Variants in PPARGC1A observed in about 807,000 individuals in gnomAD.
The protein encoded by PPARGC1A is PPARG coactivator 1 alpha, also known as peroxisome proliferator-activated receptor gamma coactivator 1-alpha.
PPARGC1A carries 25 observed loss-of-function variants against 88.7 expected under a neutral mutation model. The ratio of observed to expected loss-of-function variants is 0.28; its 90% CI spans 0.21 to 0.39. The LOEUF is 0.39. Among genes scored for constraint, PPARGC1A ranks in the 10% least tolerant of loss-of-function variants. The probability of loss-of-function intolerance (pLI) is 1.00; values close to 1 mark genes in which losing one functional copy is unlikely to be tolerated. For synonymous variants in PPARGC1A, 363 were observed against 355.6 expected (o/e 1.02, Z -0.24); for missense variants, 880 against 968.7 (o/e 0.91, Z 1.22).
chr4:23,847,844 T>G (rs60919668), intron 2 of PPARGC1A, among the ~76,000 whole-genome samples: 1 of 152,068 alleles, frequency 6.6e-6, no homozygotes, highest in Non-Finnish European at 1.5e-5. Flanking sequence ...TGACTTTAAG[T>G]CAATTTGTCT....
At chr4:24,039,608 G>A in the PPARGC1A span, among the ~76,000 whole-genome samples, 1 of 152,122 alleles carries the variant, frequency 6.6e-6, no homozygotes, top group African/African-American at 2.4e-5. Context: ...CATCTAGGAT[G>A]ATGGTCAAAT....
chr4:23,898,788 C>G (rs1164387755), intron 1 of PPARGC1A, among the ~76,000 whole-genome samples: 2 of 151,688 alleles, frequency 1.3e-5, no homozygotes, highest in Non-Finnish European at 2.9e-5. Context: ...CTTTCTCTAC[C>G]TCTTTTCAAA....
At chr4:23,829,264 A>T (rs560426099) in intron 4 of PPARGC1A, among the ~76,000 whole-genome samples, 199 bp downstream of exon 4, 1 of 152,302 alleles carries the variant, frequency 6.6e-6, no homozygotes, top group African/African-American at 2.4e-5. Context: ...AAACACCCAA[A>T]GACGATGCGT....
the PPARGC1A span, among the ~76,000 whole-genome samples, chr4:24,179,826 G>T: frequency 1.3e-5 from 2 of 152,120 alleles, no homozygotes; most frequent in South Asian, 4.1e-4. Flanking sequence ...TTTTTTATTT[G>T]TTACAGAAAA....
chr4:24,469,802 C>G, the PPARGC1A span, among the ~76,000 whole-genome samples: 1 of 152,120 alleles, frequency 6.6e-6, no homozygotes, highest in Non-Finnish European at 1.5e-5. Flanking sequence ...AAAACGCCCC[C>G]CTCCGCAAAT....
chr4:24,088,360 T>TA, the PPARGC1A span, among the ~76,000 whole-genome samples: 9 of 144,478 alleles, frequency 6.2e-5, no homozygotes, highest in Admixed American at 1.4e-4. Context: ...AGATGCTATC[T>TA]AAAAAAAAAG....
At chr4:24,331,014 A>G in the PPARGC1A span, among the ~76,000 whole-genome samples, 1 of 152,154 alleles carries the variant, frequency 6.6e-6, no homozygotes, top group African/African-American at 2.4e-5. Context: ...TCCTGGGTAC[A>G]TTTAAAGATA....
the PPARGC1A span, among the ~76,000 whole-genome samples, chr4:24,438,471 A>G: frequency 0.97 from 147,061 of 152,298 alleles, 71,273 homozygotes; most frequent in Non-Finnish European, 1. Flanking sequence ...TGTCTCACTC[A>G]TGGCAATAAA....
chr4:23,923,745 G>A, the PPARGC1A span, among the ~76,000 whole-genome samples: 1 of 152,128 alleles, frequency 6.6e-6, no homozygotes. Context: ...AAAAGGAAGA[G>A]GGCAAACTCA....
the PPARGC1A span, among the ~76,000 whole-genome samples, chr4:24,034,931 TG>T: frequency 7.9e-5 from 8 of 100,688 alleles, no homozygotes; most frequent in Non-Finnish European, 1.3e-4. Context: ...GACAATGACA[TG>T]GAGCACTGAG....
At chr4:23,851,157 T>G (rs1437068010) in intron 2 of PPARGC1A, among the ~76,000 whole-genome samples, 3 of 152,184 alleles carry the variant, frequency 2.0e-5, no homozygotes, top group Non-Finnish European at 2.9e-5. Flanking sequence ...AGAACACAAT[T>G]TCATCACTGG....
At chr4:24,080,043 A>T in the PPARGC1A span, among the ~76,000 whole-genome samples, 1 of 151,998 alleles carries the variant, frequency 6.6e-6, no homozygotes, top group South Asian at 2.1e-4. Flanking sequence ...TTATTATTCA[A>T]GATGAACTCT....
chr4:24,056,969 G>C, the PPARGC1A span, among the ~76,000 whole-genome samples: 2 of 152,092 alleles, frequency 1.3e-5, no homozygotes, highest in African/African-American at 2.4e-5. Context: ...ACAAAGAACT[G>C]AAATCAGGGT....
the PPARGC1A span, among the ~76,000 whole-genome samples, chr4:24,218,526 T>C: frequency 6.6e-6 from 1 of 152,224 alleles, no homozygotes; most frequent in Non-Finnish European, 1.5e-5. Context: ...TGGCCCATGA[T>C]GTGGATACCC....
At chr4:24,455,206 G>A in the PPARGC1A span, among the ~76,000 whole-genome samples, 97 of 152,332 alleles carry the variant, frequency 6.4e-4, no homozygotes, top group African/African-American at 2.3e-3. Context: ...ATGGGGCCGG[G>A]GCAGTGGCTC....
chr4:24,411,296 T>A, the PPARGC1A span, among the ~76,000 whole-genome samples: 5 of 152,238 alleles, frequency 3.3e-5, no homozygotes, highest in African/African-American at 1.2e-4. Flanking sequence ...TACAATTAAC[T>A]CATAAGCTCT....
chr4:24,171,168 T>G, the PPARGC1A span, among the ~76,000 whole-genome samples: 1 of 152,102 alleles, frequency 6.6e-6, no homozygotes, highest in Admixed American at 6.5e-5. Context: ...TCCCAGCACT[T>G]TGGGACACTG....
chr4:24,081,712 C>G, the PPARGC1A span, among the ~76,000 whole-genome samples: 19 of 151,994 alleles, frequency 1.3e-4, no homozygotes, highest in African/African-American at 4.1e-4. Context: ...ACAATTGATT[C>G]GCACTAATGA....
At chr4:24,073,894 G>A in the PPARGC1A span, among the ~76,000 whole-genome samples, 2 of 152,126 alleles carry the variant, frequency 1.3e-5, no homozygotes, top group African/African-American at 2.4e-5. Context: ...GCATGTGGTG[G>A]TGCAGGAAAG....
Sources: allele counts gnomAD v4.1 joint callset (sites outside exome capture counted in the v4.1 genomes callset), GRCh38; gene constraint gnomAD v4.1.1; transcripts MANE v1.5; gene names NCBI Gene and HGNC (gene_info 2026-07-23, HGNC 2026-07-21).